FAF1: variants seen among roughly 807,000 people sequenced by gnomAD.
The protein encoded by FAF1 is Fas associated factor 1.
A neutral mutation model predicts 92.5 loss-of-function variants in FAF1; 25 were observed. That is an observed-to-expected ratio of 0.27 (90% CI 0.20 to 0.38). The LOEUF (loss-of-function observed/expected upper bound fraction) is 0.38. Among genes scored for constraint, FAF1 ranks in the 10% least tolerant of loss-of-function variants. The pLI is 1.00. For missense variants in FAF1, 636 were observed against 793.3 expected, an observed-to-expected ratio of 0.80 and a Z score of 2.38; for synonymous variants, 234 against 273.2, an observed-to-expected ratio of 0.86 and a Z score of 1.42.
intron 18 of FAF1, among the ~76,000 whole-genome samples, chr1:50,448,233 G>A (rs1228025124): frequency 6.6e-6 from 1 of 152,176 alleles, no homozygotes; most frequent in African/African-American, 2.4e-5. Flanking sequence ...TGGTGTCTAT[G>A]TGGTTTGAGT....
At chr1:50,584,584 C>G (rs1651135964) in intron 10 of FAF1, 101 bp downstream of exon 10, 1 of 1,147,340 alleles carries the variant, frequency 8.7e-7, no homozygotes, top group Non-Finnish European at 1.2e-6. Flanking sequence ...CTCCTCAAAC[C>G]TGGAGGTCAG....
chr1:50,601,035 T>C (rs193085671), intron 8 of FAF1, among the ~76,000 whole-genome samples: 225 of 152,328 alleles, frequency 1.5e-3, no homozygotes, highest in African/African-American at 5.3e-3. Flanking sequence ...TGTGAACTGC[T>C]GAACTATGTA....
chr1:50,772,394 T>A (rs1181678146), intron 4 of FAF1, among the ~76,000 whole-genome samples: 1 of 152,146 alleles, frequency 6.6e-6, no homozygotes, highest in Non-Finnish European at 1.5e-5. Flanking sequence ...AAGACACATG[T>A]ACTCATATGT....
rs1279477274 is a variant in FAF1, at chr1:50,573,423, G to A, written c.1114-6192C>T. ...CTGAAGCGGAATTTTAAATATACGT[G>A]AGAGTGAGAAAAAGAAGAGTAAAAA... On this transcript the variant is annotated intron_variant, in intron 12 of 18. Coordinates refer to ENST00000396153, the MANE Select transcript of FAF1 (RefSeq NM_007051.3). Among the ~76,000 whole-genome samples, 3 of 151,810 alleles carry A rather than the reference G, an allele frequency of 2.0e-5. No homozygotes were observed. The East Asian group carries it at 5.8e-4, about 29-fold the overall frequency.
chr1:50,498,400 G>T (rs772661329), intron 15 of FAF1, among the ~76,000 whole-genome samples: 2 of 152,050 alleles, frequency 1.3e-5, no homozygotes, highest in Non-Finnish European at 2.9e-5. Context: ...AAAAAACAGA[G>T]AAATTACACT....
intron 8 of FAF1, among the ~76,000 whole-genome samples, chr1:50,636,052 G>A (rs1408499333): frequency 6.6e-6 from 1 of 152,082 alleles, no homozygotes; most frequent in Non-Finnish European, 1.5e-5. Flanking sequence ...AAAGCAAAAG[G>A]GAGGGGAGAC....
chr1:50,716,594 A>C (rs956592683), intron 6 of FAF1, among the ~76,000 whole-genome samples: 2 of 152,188 alleles, frequency 1.3e-5, no homozygotes, highest in African/African-American at 2.4e-5. Flanking sequence ...CACACCAATC[A>C]GAGCTCTGTG....
Position 50,466,255 on chromosome 1 carries a change from G to C in FAF1, c.1869+9209C>G, listed in dbSNP as rs558148860. On this transcript the variant is annotated intron_variant, in intron 18 of 18. Transcript: ENST00000396153. Reference sequence around the variant, plus strand: ...ATGAGTTGGAGAAAGGAGAGAAAGAGGAGTCAAGGATAACAGTAAGGTTTC... The same window carrying C: ...ATGAGTTGGAGAAAGGAGAGAAAGACGAGTCAAGGATAACAGTAAGGTTTC... Among the ~76,000 whole-genome samples the C allele has an allele frequency of 7.2e-5, 11 of 152,216 alleles. No individual in the cohort carries two copies. In the East Asian group the frequency reaches 2.1e-3, roughly 29 times the overall value.
intron 1 of FAF1, among the ~76,000 whole-genome samples, chr1:50,860,017 A>T (rs2124668417): frequency 6.6e-6 from 1 of 152,082 alleles, no homozygotes; most frequent in East Asian, 1.9e-4. Context: ...CTGCCTATTG[A>T]ATAAACAAAC....
chr1:50,949,849 T>C (rs1179517714), intron 1 of FAF1, among the ~76,000 whole-genome samples: 1 of 152,120 alleles, frequency 6.6e-6, no homozygotes. Context: ...TACATATAGC[T>C]CTACACAGAT....
chr1:50,825,075 T>G (rs1644083388), intron 2 of FAF1, among the ~76,000 whole-genome samples: 1 of 152,098 alleles, frequency 6.6e-6, no homozygotes, highest in African/African-American at 2.4e-5. Flanking sequence ...TAATTTAGTG[T>G]GTATTTCAAA....
chr1:50,702,576 T>A (rs1032466426), intron 7 of FAF1, among the ~76,000 whole-genome samples: 1 of 152,092 alleles, frequency 6.6e-6, no homozygotes, highest in African/African-American at 2.4e-5. Flanking sequence ...TTTTATACTG[T>A]CACTGCTTTC....
Position 50,439,995 on chromosome 1 carries a change from C to G in FAF1, c.*1445G>C, listed in dbSNP as rs1226550136. ...AAGGTGTAATTTTCCTGGCCAACAT[C>G]CACTTCTGGGCAGAAGGAAAATGAG... On this transcript the variant is annotated 3_prime_UTR_variant, in exon 19 of 19. Coordinates refer to ENST00000396153, the MANE Select transcript of FAF1 (RefSeq NM_007051.3). The G allele has an allele frequency of 6.6e-5, 10 of 152,210 alleles. No individual in the cohort carries two copies. Among genetic ancestry groups the G allele is most frequent in the African/African-American group, 1.7e-4 (7 of 41,458 alleles). 9.4% of individuals were successfully genotyped at this position (152,210 alleles called of 1,614,324 possible).
At chr1:50,847,785 C>A (rs1644314362) in intron 2 of FAF1, among the ~76,000 whole-genome samples, 1 of 151,894 alleles carries the variant, frequency 6.6e-6, no homozygotes, top group Non-Finnish European at 1.5e-5. Flanking sequence ...ATATAAATTT[C>A]TCCTCAATAA....
chr1:50,719,767 A>C (rs867566203), intron 6 of FAF1, among the ~76,000 whole-genome samples: 3 of 152,192 alleles, frequency 2.0e-5, no homozygotes, highest in Admixed American at 1.3e-4. Context: ...CTGACTATCC[A>C]TTAAATCAAC....
Position 50,944,503 on chromosome 1 carries a change from A to C in FAF1, c.45+15264T>G, listed in dbSNP as rs1645158819. 3.3e-5 allele frequency among the ~76,000 whole-genome samples: 5 copies of C among 152,060 alleles called. No homozygotes were observed. In the South Asian group the frequency reaches 8.3e-4, roughly 25 times the overall value. On this transcript the variant is annotated intron_variant, in intron 1 of 18. Coordinates refer to ENST00000396153, the MANE Select transcript of FAF1 (RefSeq NM_007051.3). ...GTCCCATTCCAGCAGCTATAACTTC[A>C]CCTTTTTCCCAATCACCTTTTACTC... is the stretch of plus-strand genomic sequence containing the variant.
intron 4 of FAF1, among the ~76,000 whole-genome samples, chr1:50,750,274 TG>T (rs1483964302): frequency 6.2e-4 from 94 of 152,360 alleles, no homozygotes; most frequent in African/African-American, 2.1e-3. Flanking sequence ...AGCATACTTT[TG>T]TATTTAAAAA....
intron 15 of FAF1, among the ~76,000 whole-genome samples, chr1:50,534,029 T>C (rs896513141): frequency 2.0e-5 from 3 of 152,156 alleles, no homozygotes; most frequent in Admixed American, 6.6e-5. Flanking sequence ...TCAGGATCCA[T>C]GTTCTCTACA....
In FAF1 at chr1:50,952,706, G is replaced by A. The variant is rs185178768; in HGVS notation, c.45+7061C>T. On this transcript the variant is annotated intron_variant, in intron 1 of 18. Transcript: ENST00000396153. ...GCCCATCGTCTGAGATGTGGGGAGC[G>A]CCTCTGCCCCGCCACCCCGTCTGGG... 8.0e-3 allele frequency among the ~76,000 whole-genome samples: 1,191 copies of A among 147,954 alleles called. 5 individuals carry two copies. Among genetic ancestry groups the A allele is most frequent in the Non-Finnish European group, 0.012 (805 of 67,338 alleles).
Sources: gnomAD v4.1 joint callset for allele counts (sites outside exome capture counted in the v4.1 genomes callset) on GRCh38, gnomAD v4.1.1 for gene constraint, MANE v1.5 for transcripts, NCBI Gene and HGNC (gene_info 2026-07-23, HGNC 2026-07-21) for gene names.